The following KAT7 variants were observed in gnomAD, a reference collection of about 807,000 sequenced individuals.
KAT7 encodes histone acetyltransferase KAT7.
A neutral mutation model predicts 82.1 loss-of-function variants in KAT7; 10 were observed. The ratio of observed to expected loss-of-function variants is 0.12; its 90% CI spans 0.08 to 0.21. The LOEUF is 0.21. Among genes scored for constraint, KAT7 ranks in the 10% least tolerant of loss-of-function variants. KAT7 has a pLI of 1.00. For missense variants in KAT7, 378 were observed against 760.9 expected, an observed-to-expected ratio of 0.50 and a Z score of 5.92; for synonymous variants, 250 against 262.5, an observed-to-expected ratio of 0.95 and a Z score of 0.46.
rs1277504290 is a variant in KAT7 at position 49,788,771 on chromosome 17, A to AGCCACCGTTCCTGCTGCT, written c.-60_-43dup. The AGCCACCGTTCCTGCTGCT allele has an allele frequency of 5.8e-6, 9 of 1,542,748 alleles. No individual in the cohort carries two copies. The highest frequency in any genetic ancestry group is 7.9e-6 in the Non-Finnish European group (9 of 1,142,248). On this transcript the variant is annotated 5_prime_UTR_variant, in exon 1 of 15. Coordinates refer to ENST00000259021, the MANE Select transcript of KAT7 (RefSeq NM_007067.5). ...CAGAGGCCGCCACGGAGCCCGCCGG[A>AGCCACCGTTCCTGCTGCT]GCCACCGTTCCTGCTGCTGCCGCCG... is the stretch of plus-strand genomic sequence containing the variant.
intron 12 of KAT7, 136 bp from the exon 13 acceptor site, chr17:49,825,864 A>C: frequency 2.5e-6 from 2 of 815,648 alleles, no homozygotes; most frequent in Non-Finnish European, 3.9e-6. Context: ...TTAACCACAC[A>C]GTATTCCATT....
At chr17:49,811,041 G>A (rs964125070) in intron 6 of KAT7, among the ~76,000 whole-genome samples, 10 of 151,800 alleles carry the variant, frequency 6.6e-5, no homozygotes, top group African/African-American at 2.4e-4. Flanking sequence ...CATATGATTT[G>A]CATTGTGGCT....
intron 3 of KAT7, 132 bp from the exon 4 acceptor site, chr17:49,798,187 C>A: frequency 1.3e-6 from 1 of 742,970 alleles, no homozygotes; most frequent in Non-Finnish European, 2.2e-6. Flanking sequence ...ATTTAGCCAT[C>A]TAGCAGATGA....
Position 49,829,032 on chromosome 17 carries a change from T to TC in KAT7, c.*1534dup, listed in dbSNP as rs1196471681. The TC allele has an allele frequency of 6.6e-6, 1 of 152,632 alleles. No homozygotes were observed. The highest frequency in any genetic ancestry group is 1.5e-5 in the Non-Finnish European group (1 of 68,038). 9.5% of individuals were successfully genotyped at this position (152,632 alleles called of 1,614,324 possible). ...AGGCCTTTTACAGAAGCTAAACCCT[T>TC]CCCCACATGTGGTAGAATGTGCTCT... On this transcript the variant is annotated 3_prime_UTR_variant, in exon 15 of 15. Coordinates refer to ENST00000259021, the MANE Select transcript of KAT7 (RefSeq NM_007067.5).
intron 4 of KAT7, among the ~76,000 whole-genome samples, chr17:49,804,337 T>C (rs1005712951): frequency 6.7e-6 from 1 of 148,720 alleles, no homozygotes; most frequent in Non-Finnish European, 1.5e-5. Flanking sequence ...CGAGATCGCA[T>C]CACTGCACTC....
At position 49,797,237 on chromosome 17, in the gene KAT7, G is replaced by C. The variant is rs55883907; in HGVS notation, c.340+311G>C. 3.3e-3 allele frequency among the ~76,000 whole-genome samples: 504 copies of C among 152,040 alleles called. 2 individuals are homozygous for C. The highest frequency in any genetic ancestry group is 5.3e-3 in the Non-Finnish European group (359 of 67,940). On this transcript the variant is annotated intron_variant, in intron 3 of 14. Coordinates refer to ENST00000259021, the MANE Select transcript of KAT7 (RefSeq NM_007067.5). ...TGCCACCACGCCAGGCTAATTTTTT[G>C]TATTTTTAGTAGAGACGGGGTTTCA...
chr17:49,825,829 T>C (rs2074362598), intron 12 of KAT7, among the ~76,000 whole-genome samples, 171 bp from the exon 13 acceptor site: 1 of 152,214 alleles, frequency 6.6e-6, no homozygotes, highest in South Asian at 2.1e-4. Context: ...TCCCCTTTTG[T>C]TTATACAAAG....
chr17:49,815,933 A>C lies in KAT7; in HGVS notation c.963+20A>C, dbSNP rs767673655. The C allele has an allele frequency of 1.0e-4, 151 of 1,444,450 alleles. No homozygotes were observed. Among genetic ancestry groups the C allele is most frequent in the Non-Finnish European group, 1.1e-4 (112 of 1,026,276 alleles). The allele number at this position is 1,444,450 out of a possible 1,614,324, so 89.5% of individuals were successfully genotyped here. On this transcript the variant is annotated intron_variant, in intron 8 of 14. Coordinates refer to ENST00000259021, the MANE Select transcript of KAT7 (RefSeq NM_007067.5). ...GATTTGGTGAGTATTAAAACCTCCAAACTGAAGGCCGCTTGTGAAAGGTGC... is the reference window on the plus strand; with the variant it reads ...GATTTGGTGAGTATTAAAACCTCCACACTGAAGGCCGCTTGTGAAAGGTGC...
At chr17:49,792,940 T>C (rs566357761) in intron 2 of KAT7, among the ~76,000 whole-genome samples, 12 of 152,050 alleles carry the variant, frequency 7.9e-5, no homozygotes, top group Non-Finnish European at 1.6e-4. Flanking sequence ...GCCTCCTGAG[T>C]AGCTGGGACT....
In KAT7 at chr17:49,828,969, C is replaced by G. The variant is rs2074400087; in HGVS notation, c.*1467C>G. 6.5e-6 allele frequency: 1 copy of G among 152,814 alleles called. No homozygotes were observed. Among genetic ancestry groups the G allele is most frequent in the African/African-American group, 2.4e-5 (1 of 41,436 alleles). The allele number at this position is 152,814 out of a possible 1,614,324, so 9.5% of individuals were successfully genotyped here. A position where few individuals can be genotyped will look rare whatever the true frequency, so the allele number is the denominator to read the frequency against. ...TTTCAGTGTCACTGTTAAAATTTAT[C>G]AAAAAGCAACTTCACTAGGGGTTTT... On this transcript the variant is annotated 3_prime_UTR_variant, in exon 15 of 15. Transcript: ENST00000259021.
intron 1 of KAT7, among the ~76,000 whole-genome samples, chr17:49,791,311 T>A (rs528945507): frequency 1.3e-5 from 2 of 152,208 alleles, no homozygotes; most frequent in Non-Finnish European, 2.9e-5. Flanking sequence ...TTTTTTGTGA[T>A]ATTGATCTCC....
intron 5 of KAT7, among the ~76,000 whole-genome samples, chr17:49,806,031 G>A (rs2074088095): frequency 6.6e-6 from 1 of 152,226 alleles, no homozygotes; most frequent in African/African-American, 2.4e-5. Context: ...GTGCGTTCTT[G>A]TGTGGGTTGC....
At position 49,788,716 on chromosome 17, in the gene KAT7, T is replaced by G. The variant is rs1292293360; in HGVS notation, c.-119T>G. The G allele has an allele frequency of 1.1e-5, 13 of 1,136,546 alleles. No individual in the cohort carries two copies. The East Asian group carries it at 4.0e-4, about 35-fold the overall frequency. 70.4% of individuals were successfully genotyped at this position (1,136,546 alleles called of 1,614,324 possible). A position where few individuals can be genotyped will look rare whatever the true frequency, so the allele number is the denominator to read the frequency against. The stretch of plus-strand genomic sequence containing the variant: ...CCAGACGCTGAGAGGCAGGAGGCAC[T>G]AGGGATCGTCCGCAGGATTGGGACT... On this transcript the variant is annotated 5_prime_UTR_variant, in exon 1 of 15. Coordinates refer to ENST00000259021, the MANE Select transcript of KAT7 (RefSeq NM_007067.5).
In KAT7 at chr17:49,829,771, CA is replaced by C. The variant is rs1466958787; in HGVS notation, c.*2270del. On this transcript the variant is annotated 3_prime_UTR_variant, in exon 15 of 15. Coordinates refer to ENST00000259021, the MANE Select transcript of KAT7 (RefSeq NM_007067.5). ...CAGGTCTCCACTCGCTTTGCCATCC[CA>C]CTTTACTCCCTAAAAATAAAAGGAT... 6.6e-6 allele frequency: 1 copy of C among 152,186 alleles called. No homozygotes were observed. Among genetic ancestry groups the C allele is most frequent in the African/African-American group, 2.4e-5 (1 of 41,420 alleles). The allele number at this position is 152,186 out of a possible 1,614,324, so 9.4% of individuals were successfully genotyped here. A position where few individuals can be genotyped will look rare whatever the true frequency, so the allele number is the denominator to read the frequency against.
intron 8 of KAT7, among the ~76,000 whole-genome samples, chr17:49,817,338 A>G (rs1033522357): frequency 6.6e-6 from 1 of 152,256 alleles, no homozygotes; most frequent in South Asian, 2.1e-4. Context: ...CAGTATGGGT[A>G]GTAAGTTTTC....
chr17:49,826,668 G>T (rs2074372189), intron 13 of KAT7, 25 bp from the exon 14 acceptor site: 1 of 1,556,604 alleles, frequency 6.4e-7, no homozygotes, highest in African/African-American at 1.4e-5. Flanking sequence ...CTTTGGCCAG[G>T]TTGTCAGTAC....
intron 6 of KAT7, among the ~76,000 whole-genome samples, chr17:49,809,501 G>A (rs1173636897): frequency 3.9e-5 from 6 of 152,176 alleles, no homozygotes; most frequent in Middle Eastern, 3.4e-3. Flanking sequence ...TCCTCACTTC[G>A]CATCCTTTAA....
chr17:49,799,754 C>A (rs1290100220), intron 4 of KAT7, among the ~76,000 whole-genome samples: 1 of 151,998 alleles, frequency 6.6e-6, no homozygotes, highest in Non-Finnish European at 1.5e-5. Context: ...GCCTTAACTC[C>A]TAGGCTTAAG....
chr17:49,809,322 G>C, intron 6 of KAT7, 114 bp downstream of exon 6: 1 of 702,068 alleles, frequency 1.4e-6, no homozygotes, highest in East Asian at 2.7e-5. Flanking sequence ...ATATCTTCCA[G>C]ATGTAAACTT....
Sources: allele counts gnomAD v4.1 joint callset (sites outside exome capture counted in the v4.1 genomes callset), GRCh38; gene constraint gnomAD v4.1.1; transcripts MANE v1.5; gene names NCBI Gene and HGNC (gene_info 2026-07-23, HGNC 2026-07-21).